Variants in ADGRL2 observed in about 807,000 individuals in gnomAD.
The protein encoded by ADGRL2 is calcium-independent alpha-latrotoxin receptor 2.
ADGRL2 carries 44 observed loss-of-function variants against 157.4 expected under a neutral mutation model. That is an observed-to-expected ratio of 0.28 (90% CI 0.22 to 0.36). The LOEUF is 0.36. ADGRL2 is among the 10% of genes least tolerant of loss of function. The pLI is 1.00. For synonymous variants in ADGRL2, 585 were observed against 624.7 expected (o/e 0.94, Z 0.95); for missense variants, 1,510 against 1,768.9 (o/e 0.85, Z 2.63).
intron 1 of ADGRL2, among the ~76,000 whole-genome samples, chr1:81,723,311 C>A (rs942884088): frequency 6.6e-6 from 1 of 152,098 alleles, no homozygotes; most frequent in Admixed American, 6.5e-5. Context: ...CTCTCTCCCC[C>A]AAATGCAACT....
At chr1:81,731,024 A>C (rs1196065960) in intron 1 of ADGRL2, among the ~76,000 whole-genome samples, 3 of 152,092 alleles carry the variant, frequency 2.0e-5, no homozygotes, top group African/African-American at 7.2e-5. Flanking sequence ...AAAATAGTTT[A>C]TTTATTACTT....
At chr1:81,847,980 T>A (rs1161113598) in intron 2 of ADGRL2, among the ~76,000 whole-genome samples, 1 of 151,866 alleles carries the variant, frequency 6.6e-6, no homozygotes, top group Non-Finnish European at 1.5e-5. Context: ...AAGTACTTGA[T>A]TGTTAACTGG....
At chr1:81,696,220 T>C (rs1570864519), upstream of ADGRL2, among the ~76,000 whole-genome samples, 1 of 152,164 alleles carries the variant, frequency 6.6e-6, no homozygotes, top group African/African-American at 2.4e-5. Context: ...CTCGGCTATG[T>C]AGATTTTTTT....
intron 2 of ADGRL2, among the ~76,000 whole-genome samples, chr1:81,777,420 A>C (rs1378406591): frequency 2.0e-5 from 3 of 152,206 alleles, no homozygotes; most frequent in Non-Finnish European, 4.4e-5. Context: ...CCAAGGCAAG[A>C]CCCTACAATT....
chr1:81,741,290 A>T lies in ADGRL2; in HGVS notation c.-142-20521A>T, dbSNP rs186519776. On this transcript the variant is annotated intron_variant, in intron 1 of 20. Coordinates refer to the ADGRL2 transcript ENST00000359929. The stretch of plus-strand genomic sequence containing the variant: ...TTAAAAAATAATTTTATGATTTCCT[A>T]TGAATTTAGAGTCATCTTATTTTTA... 5.6e-4 allele frequency among the ~76,000 whole-genome samples: 85 copies of T among 152,196 alleles called. No homozygotes were observed. In the East Asian group the frequency reaches 0.015, roughly 27 times the overall value.
At chr1:81,782,404 C>T (rs1335807906) in intron 2 of ADGRL2, among the ~76,000 whole-genome samples, 1 of 152,046 alleles carries the variant, frequency 6.6e-6, no homozygotes, top group African/African-American at 2.4e-5. Flanking sequence ...ATTTCTAATG[C>T]CAGAATTCAT....
intron 2 of ADGRL2, among the ~76,000 whole-genome samples, chr1:81,501,232 T>A (rs773163582): frequency 6.6e-6 from 1 of 152,274 alleles, no homozygotes; most frequent in Non-Finnish European, 1.5e-5. Flanking sequence ...TTCACCTTTA[T>A]ACACAACATA....
At chr1:81,562,258 T>A (rs935827912) in intron 2 of ADGRL2, among the ~76,000 whole-genome samples, 1 of 152,144 alleles carries the variant, frequency 6.6e-6, no homozygotes, top group East Asian at 1.9e-4. Context: ...TTAAAATTGT[T>A]TGAGGCTCTT....
intron 3 of ADGRL2, among the ~76,000 whole-genome samples, chr1:81,662,384 T>A (rs895619387): frequency 6.6e-6 from 1 of 151,700 alleles, no homozygotes; most frequent in African/African-American, 2.4e-5. Flanking sequence ...GCCTCCCTAG[T>A]AGCTGGGATT....
rs566076447 is a variant in ADGRL2, at chr1:81,448,816, C to T, written c.-248+3727C>T. Among the ~76,000 whole-genome samples, 2 of 152,270 alleles carry T rather than the reference C, an allele frequency of 1.3e-5. 1 individual carries two copies. Among genetic ancestry groups the T allele is most frequent in the East Asian group, 3.9e-4 (2 of 5,184 alleles). On this transcript the variant is annotated intron_variant, in intron 2 of 24. Coordinates refer to the ADGRL2 transcript ENST00000370721. ...TAAGTTTAACTTTTAGTCTTACCCACTAGATATTTGGAGACTATTTTTCTT... is the reference window on the plus strand; with the variant it reads ...TAAGTTTAACTTTTAGTCTTACCCATTAGATATTTGGAGACTATTTTTCTT...
At chr1:81,453,457 A>T (rs768210542) in intron 2 of ADGRL2, among the ~76,000 whole-genome samples, 7 of 152,164 alleles carry the variant, frequency 4.6e-5, no homozygotes, top group Non-Finnish European at 1.0e-4. Flanking sequence ...CTGACCTTCC[A>T]TAACAGCAGC....
chr1:81,890,936 C>T (rs1358448239), intron 2 of ADGRL2, among the ~76,000 whole-genome samples: 1 of 152,126 alleles, frequency 6.6e-6, no homozygotes, highest in Non-Finnish European at 1.5e-5. Context: ...CATCTACTCA[C>T]CTTAACCCAA....
chr1:81,595,588 C>A (rs932599008), intron 3 of ADGRL2, among the ~76,000 whole-genome samples: 12 of 152,094 alleles, frequency 7.9e-5, no homozygotes, highest in African/African-American at 2.9e-4. Context: ...AGTACTGGGG[C>A]AAATGTGGTC....
chr1:81,804,652 A>T (rs1461150466), intron 1 of ADGRL2, among the ~76,000 whole-genome samples: 2 of 152,246 alleles, frequency 1.3e-5, no homozygotes, highest in Non-Finnish European at 2.9e-5. Flanking sequence ...TTCTATTGAT[A>T]AATGGTTTGT....
chr1:81,933,183 T>C (rs2095260277), intron 3 of ADGRL2, among the ~76,000 whole-genome samples: 1 of 152,226 alleles, frequency 6.6e-6, no homozygotes, highest in Non-Finnish European at 1.5e-5. Flanking sequence ...ATCTGCTTCT[T>C]TATGATGAAC....
intron 2 of ADGRL2, among the ~76,000 whole-genome samples, chr1:81,580,466 G>A (rs1301565189): frequency 6.6e-6 from 1 of 152,024 alleles, no homozygotes; most frequent in East Asian, 1.9e-4. Context: ...GTGATGCTGG[G>A]TGCCCAGTTT....
At chr1:81,973,111 G>A (rs908339490) in intron 17 of ADGRL2, among the ~76,000 whole-genome samples, 4 of 151,890 alleles carry the variant, frequency 2.6e-5, no homozygotes, top group Admixed American at 2.6e-4. Context: ...TCTAGTACTT[G>A]AAGGAAACTT....
intron 2 of ADGRL2, among the ~76,000 whole-genome samples, chr1:81,855,989 G>A (rs377500786): frequency 6.6e-6 from 1 of 152,170 alleles, no homozygotes; most frequent in Non-Finnish European, 1.5e-5. Flanking sequence ...AGGGACAGAA[G>A]CTGATGTTTG....
In ADGRL2 at chr1:81,473,937, T is replaced by C. The variant is rs986553485; in HGVS notation, c.-248+28848T>C. Among the ~76,000 whole-genome samples the C allele has an allele frequency of 3.3e-5, 5 of 152,240 alleles. No homozygotes were observed. The East Asian group carries it at 9.6e-4, about 29-fold the overall frequency. ...GGCTCTTTTCCTTGGTATGTGGAGT[T>C]GAGTGTCCACAGAGCTCTTAGAATC... On this transcript the variant is annotated intron_variant, in intron 2 of 24. Transcript: ENST00000370721.
Sources: allele counts gnomAD v4.1 joint callset (sites outside exome capture counted in the v4.1 genomes callset), GRCh38; gene constraint gnomAD v4.1.1; transcripts MANE v1.5; gene names NCBI Gene and HGNC (gene_info 2026-07-23, HGNC 2026-07-21).